Variants in L2HGDH observed in about 807,000 individuals in gnomAD.
The protein encoded by L2HGDH is L-2-hydroxyglutarate dehydrogenase.
In L2HGDH, 34 loss-of-function variants were observed where a neutral mutation model predicts 51.5. The ratio of observed to expected loss-of-function variants is 0.66; its 90% CI spans 0.50 to 0.88. L2HGDH has a LOEUF of 0.88. Among genes scored for constraint, L2HGDH ranks in the 40% least tolerant of loss-of-function variants. The pLI, the probability that L2HGDH is intolerant of heterozygous loss-of-function variation, is 0.00. For synonymous variants in L2HGDH, 198 were observed against 197.9 expected, an observed-to-expected ratio of 1.00 and a Z score of -0.01; for missense variants, 558 against 571.9, an observed-to-expected ratio of 0.98 and a Z score of 0.25.
At chr14:50,282,144 G>T (rs1270038248) in intron 5 of L2HGDH, among the ~76,000 whole-genome samples, 2 of 152,166 alleles carry the variant, frequency 1.3e-5, no homozygotes, top group Admixed American at 6.6e-5. Context: ...CTAGCCTAGA[G>T]ACATTTTTAA....
rs114911148 is a variant in L2HGDH, at chr14:50,293,340, T to A, written c.540+775A>T. 2.7e-3 allele frequency: 1,886 copies of A among 693,740 alleles called. 33 individuals carry two copies. The African/African-American group carries it at 0.03, about 11-fold the overall frequency. The allele number at this position is 693,740 out of a possible 1,614,324, so 43.0% of individuals were successfully genotyped here. A position where few individuals can be genotyped will look rare whatever the true frequency, so the allele number is the denominator to read the frequency against. On this transcript the variant is annotated intron_variant, in intron 4 of 9. Transcript: ENST00000267436. The stretch of plus-strand genomic sequence containing the variant: ...AACTTATACCATATATAAAAATCAA[T>A]TCCAAATGGACTGTAGATCTAAATG...
At chr14:50,251,813 G>A (rs1378790289) in intron 9 of L2HGDH, among the ~76,000 whole-genome samples, 1 of 151,936 alleles carries the variant, frequency 6.6e-6, no homozygotes, top group Non-Finnish European at 1.5e-5. Context: ...TACTTTCCCA[G>A]ACAAAGTTGA....
intron 3 of L2HGDH, among the ~76,000 whole-genome samples, chr14:50,297,893 G>C (rs182252342): frequency 8.0e-4 from 121 of 151,892 alleles, no homozygotes; most frequent in African/African-American, 2.8e-3. Flanking sequence ...TTGAGCCCAG[G>C]AGTTTGAGAC....
intron 6 of L2HGDH, among the ~76,000 whole-genome samples, chr14:50,272,851 G>T (rs112886868): frequency 3.3e-5 from 5 of 152,194 alleles, no homozygotes; most frequent in African/African-American, 1.2e-4. Flanking sequence ...AGACCCATGG[G>T]GAGTTCTCTA....
intron 3 of L2HGDH, among the ~76,000 whole-genome samples, chr14:50,298,473 A>G (rs746739582): frequency 4.0e-5 from 6 of 151,696 alleles, no homozygotes; most frequent in Admixed American, 6.6e-5. Flanking sequence ...GAGCCACCAC[A>G]CCCAGCTAAT....
chr14:50,259,384 T>C (rs796728003), intron 9 of L2HGDH, among the ~76,000 whole-genome samples: 1,601 of 111,946 alleles, frequency 0.014, 41 homozygotes, highest in African/African-American at 0.046. Flanking sequence ...TTTTTTTTTT[T>C]CAGAAATGGG....
At chr14:50,282,237 G>A (rs1370334653) in intron 5 of L2HGDH, among the ~76,000 whole-genome samples, 2 of 152,032 alleles carry the variant, frequency 1.3e-5, no homozygotes, top group African/African-American at 4.8e-5. Flanking sequence ...CAGTGCACCG[G>A]ATAGCCCCCT....
At chr14:50,304,602 A>G (rs1290040880) in intron 1 of L2HGDH, among the ~76,000 whole-genome samples, 1 of 152,206 alleles carries the variant, frequency 6.6e-6, no homozygotes, top group Non-Finnish European at 1.5e-5. Context: ...TTGGGAGGCC[A>G]AGGCGGGCAG....
chr14:50,294,338 A>G, intron 3 of L2HGDH, 92 bp from the exon 4 acceptor site: 2 of 1,335,114 alleles, frequency 1.5e-6, no homozygotes, highest in Non-Finnish European at 2.1e-6. Context: ...CAACTATTGT[A>G]TGACCCAAAG....
chr14:50,280,796 G>A (rs1595108610), intron 5 of L2HGDH, among the ~76,000 whole-genome samples: 2 of 149,606 alleles, frequency 1.3e-5, no homozygotes, highest in South Asian at 4.2e-4. Flanking sequence ...TTACAGGCGC[G>A]AGCCACTGCG....
At chr14:50,296,614 A>C (rs943499581) in intron 3 of L2HGDH, among the ~76,000 whole-genome samples, 17 of 149,216 alleles carry the variant, frequency 1.1e-4, no homozygotes, top group African/African-American at 3.9e-4. Flanking sequence ...AAAAAAGCCC[A>C]GGCCCAGAGG....
rs1888041519 is a variant in L2HGDH, at chr14:50,247,007, T to G, written c.*51A>C. The G allele has an allele frequency of 6.3e-7, 1 of 1,587,094 alleles. No individual in the cohort carries two copies. The highest frequency in any genetic ancestry group is 1.7e-5 in the Admixed American group (1 of 57,742). On this transcript the variant is annotated 3_prime_UTR_variant, in exon 10 of 10. Coordinates refer to ENST00000267436, the MANE Select transcript of L2HGDH (RefSeq NM_024884.3). ...TAAATTAAAGAATGCAATTAGTACA[T>G]TCTTGTTGCTGACATGAAGATTACA...
chr14:50,304,045 T>G (rs1335153868), intron 1 of L2HGDH, among the ~76,000 whole-genome samples: 3 of 152,144 alleles, frequency 2.0e-5, no homozygotes, highest in African/African-American at 7.2e-5. Context: ...TAGAATGTAC[T>G]TACACAAACC....
chr14:50,274,293 T>C (rs1595097945), intron 6 of L2HGDH, among the ~76,000 whole-genome samples: 2 of 128,634 alleles, frequency 1.6e-5, no homozygotes, highest in South Asian at 2.5e-4. Flanking sequence ...AAAAGGGGAG[T>C]GGGGGGGCCA....
At chr14:50,308,387 A>AG (rs1491161880) in intron 1 of L2HGDH, among the ~76,000 whole-genome samples, 2 of 65,636 alleles carry the variant, frequency 3.0e-5, no homozygotes, top group African/African-American at 9.1e-5. Flanking sequence ...ACTCCATCTC[A>AG]GAAAAAAAAA....
chr14:50,286,167 G>C (rs1890552815), intron 4 of L2HGDH, among the ~76,000 whole-genome samples: 1 of 152,066 alleles, frequency 6.6e-6, no homozygotes, highest in Admixed American at 6.6e-5. Flanking sequence ...ATTGAGAGTA[G>C]ATCTCAAGTC....
intron 1 of L2HGDH, among the ~76,000 whole-genome samples, chr14:50,307,424 C>G (rs2030795569): frequency 6.6e-6 from 1 of 152,196 alleles, no homozygotes; most frequent in African/African-American, 2.4e-5. Flanking sequence ...ACTATGGAGA[C>G]AGGTGAACAG....
intron 6 of L2HGDH, among the ~76,000 whole-genome samples, chr14:50,275,543 T>C (rs1182043195): frequency 1.3e-5 from 2 of 152,242 alleles, no homozygotes; most frequent in Admixed American, 1.3e-4. Flanking sequence ...ATCAGTGAAC[T>C]TATTCTGCAG....
chr14:50,302,260 A>G, intron 2 of L2HGDH, 92 bp from the exon 3 acceptor site: 1 of 1,315,972 alleles, frequency 7.6e-7, no homozygotes, highest in East Asian at 2.3e-5. Flanking sequence ...AAGCTATTAG[A>G]GACCACATCA....
Sources: gnomAD v4.1 joint callset for allele counts (sites outside exome capture counted in the v4.1 genomes callset) on GRCh38, gnomAD v4.1.1 for gene constraint, MANE v1.5 for transcripts, NCBI Gene and HGNC (gene_info 2026-07-23, HGNC 2026-07-21) for gene names.